The following SNX2 variants were observed in gnomAD, a reference collection of about 807,000 sequenced individuals.
SNX2 encodes sorting nexin 2.
SNX2 carries 25 observed loss-of-function variants against 69.9 expected under a neutral mutation model. The ratio of observed to expected loss-of-function variants is 0.36; its 90% CI spans 0.26 to 0.50. The LOEUF (loss-of-function observed/expected upper bound fraction) is 0.50, where lower values mean the gene tolerates loss of function less well. Among genes scored for constraint, SNX2 ranks in the 20% least tolerant of loss-of-function variants. SNX2 has a pLI of 0.97. For missense variants in SNX2, 551 were observed against 613.3 expected (o/e 0.90, Z 1.07); for synonymous variants, 229 against 200.4 (o/e 1.14, Z -1.20).
At chr5:122,806,116 G>GCGCGCGCGCA (rs1753639565) in intron 6 of SNX2, among the ~76,000 whole-genome samples, 1 of 104,122 alleles carries the variant, frequency 9.6e-6, no homozygotes, top group Admixed American at 1.0e-4. Flanking sequence ...GTGTGTGCGT[G>GCGCGCGCGCA]TGTGTATATA....
intron 11 of SNX2, among the ~76,000 whole-genome samples, chr5:122,823,559 T>C (rs1017711968): frequency 6.6e-6 from 1 of 152,232 alleles, no homozygotes; most frequent in African/African-American, 2.4e-5. Context: ...TTAAAGGGCA[T>C]GTTCATTAGC....
At chr5:122,813,997 C>T (rs1263795587) in intron 7 of SNX2, among the ~76,000 whole-genome samples, 3 of 152,098 alleles carry the variant, frequency 2.0e-5, no homozygotes, top group Non-Finnish European at 4.4e-5. Context: ...TGGTCTCGAA[C>T]TCCTGACCTC....
intron 9 of SNX2, 39 bp downstream of exon 9, chr5:122,817,067 T>G: frequency 2.2e-6 from 3 of 1,362,290 alleles, no homozygotes; most frequent in Non-Finnish European, 3.1e-6. Context: ...TGAGATGAAT[T>G]AATGAGCCCA....
In SNX2 at chr5:122,819,040, A is replaced by G. The variant is rs76570211; in HGVS notation, c.1212+17A>G. ...GCAGTGAAAGTAAGCCCTTTCTTGCATGCTTCTCACTTGTGTCGTGTACTT... is the reference window on the plus strand; with the variant it reads ...GCAGTGAAAGTAAGCCCTTTCTTGCGTGCTTCTCACTTGTGTCGTGTACTT... On this transcript the variant is annotated intron_variant, in intron 11 of 14. Transcript: ENST00000379516. The G allele has an allele frequency of 9.4e-3, 14,944 of 1,592,814 alleles. 261 individuals are homozygous for G. The highest frequency in any genetic ancestry group is 0.073 in the African/African-American group (5,426 of 74,536).
intron 1 of SNX2, among the ~76,000 whole-genome samples, chr5:122,777,114 G>A (rs1752873873): frequency 6.6e-6 from 1 of 152,116 alleles, no homozygotes; most frequent in South Asian, 2.1e-4. Flanking sequence ...TTAAAGGAAT[G>A]TTCTTTCAGT....
At chr5:122,807,524 T>C (rs1329132690) in intron 6 of SNX2, among the ~76,000 whole-genome samples, 1 of 152,204 alleles carries the variant, frequency 6.6e-6, no homozygotes, top group African/African-American at 2.4e-5. Flanking sequence ...TGTGACAAAT[T>C]CCTTCCACTT....
At chr5:122,822,415 T>G (rs957532592) in intron 11 of SNX2, among the ~76,000 whole-genome samples, 2 of 152,220 alleles carry the variant, frequency 1.3e-5, no homozygotes, top group African/African-American at 4.8e-5. Flanking sequence ...GAACTCTTCA[T>G]GTCCTTTGCC....
At chr5:122,801,690 T>TG (rs1554062722) in intron 3 of SNX2, among the ~76,000 whole-genome samples, 179 bp from the exon 4 acceptor site, 5 of 150,456 alleles carry the variant, frequency 3.3e-5, no homozygotes, top group Admixed American at 6.7e-5. Context: ...TGTGTGTGTG[T>TG]TTTATTTATA....
chr5:122,827,525 A>G, intron 13 of SNX2, 50 bp from the exon 14 acceptor site: 1 of 1,604,368 alleles, frequency 6.2e-7, no homozygotes. Context: ...TTTGTGGTAA[A>G]GTTGAATTTA....
chr5:122,775,407 G>C (rs1752833475), intron 1 of SNX2, 196 bp downstream of exon 1: 1 of 1,276,396 alleles, frequency 7.8e-7, no homozygotes, highest in East Asian at 3.2e-5. Context: ...CAGGAGAGCA[G>C]CCTGCGGCCC....
At chr5:122,813,158 C>T (rs896419529) in intron 7 of SNX2, among the ~76,000 whole-genome samples, 1 of 151,952 alleles carries the variant, frequency 6.6e-6, no homozygotes, top group African/African-American at 2.4e-5. Context: ...CTTTTTGTCC[C>T]GTGTCTTTCC....
Position 122,793,840 on chromosome 5 carries a change from G to C in SNX2, c.109-1426G>C, listed in dbSNP as rs151226097. ...AGGCAGAAGAATCGCTTGAACCCGG[G>C]AAGCAGAGGTTGCAGTGAGCTGAGA... On this transcript the variant is annotated intron_variant, in intron 1 of 14. Transcript: ENST00000379516. 3.1e-3 allele frequency among the ~76,000 whole-genome samples: 461 copies of C among 150,214 alleles called. 10 individuals are homozygous for C. In the East Asian group the frequency reaches 0.077, roughly 25 times the overall value.
chr5:122,806,883 A>AATGTGCCAAACTGAAG (rs1259463337), intron 6 of SNX2, among the ~76,000 whole-genome samples: 3 of 152,346 alleles, frequency 2.0e-5, no homozygotes, highest in African/African-American at 7.2e-5. Flanking sequence ...TAAGTTAATT[A>AATGTGCCAAACTGAAG]ATGTGCCAAA....
intron 1 of SNX2, among the ~76,000 whole-genome samples, chr5:122,793,742 C>T (rs1410208006): frequency 6.7e-6 from 1 of 149,716 alleles, no homozygotes; most frequent in Non-Finnish European, 1.5e-5. Flanking sequence ...AACCCCATCT[C>T]TACTAAAAAT....
chr5:122,785,652 T>A (rs1485011597), intron 1 of SNX2, among the ~76,000 whole-genome samples: 1 of 152,220 alleles, frequency 6.6e-6, no homozygotes, highest in Non-Finnish European at 1.5e-5. Context: ...TATGAGTTAT[T>A]TAGAAGTACA....
At chr5:122,791,471 G>A (rs1753236614) in intron 1 of SNX2, among the ~76,000 whole-genome samples, 3 of 152,154 alleles carry the variant, frequency 2.0e-5, no homozygotes, top group African/African-American at 2.4e-5. Flanking sequence ...TAGTAGAGAC[G>A]GGGTTTCACC....
intron 5 of SNX2, 29 bp downstream of exon 5, chr5:122,802,153 A>G (rs112598479): frequency 7.5e-6 from 12 of 1,592,478 alleles, no homozygotes; most frequent in African/African-American, 4.0e-5. Context: ...TAAAAAAACT[A>G]TCGAGCCCTC....
chr5:122,789,312 G>A (rs538135192), intron 1 of SNX2, among the ~76,000 whole-genome samples: 86 of 152,100 alleles, frequency 5.7e-4, no homozygotes, highest in Non-Finnish European at 1.0e-3. Context: ...TGCTGCTCAG[G>A]GTTGACCCTG....
chr5:122,783,618 T>C (rs1278179074), intron 1 of SNX2, among the ~76,000 whole-genome samples: 3 of 152,218 alleles, frequency 2.0e-5, no homozygotes, highest in Admixed American at 6.5e-5. Flanking sequence ...TTGACCTATT[T>C]CTGTTTTGTT....
Sources: gnomAD v4.1 joint callset for allele counts (sites outside exome capture counted in the v4.1 genomes callset) on GRCh38, gnomAD v4.1.1 for gene constraint, MANE v1.5 for transcripts, NCBI Gene and HGNC (gene_info 2026-07-23, HGNC 2026-07-21) for gene names.